The following NXPH1 variants were observed in gnomAD, a reference collection of about 807,000 sequenced individuals.
The protein encoded by NXPH1 is neurexophilin-1.
Under a neutral mutation model 23.7 loss-of-function variants are expected in NXPH1, and 5 were observed. The observed-to-expected ratio is 0.21, with a 90% CI of 0.11 to 0.44. NXPH1 has a LOEUF of 0.44. Among genes scored for constraint, NXPH1 ranks in the 20% least tolerant of loss-of-function variants. The probability of loss-of-function intolerance (pLI) is 0.99; values close to 1 mark genes in which losing one functional copy is unlikely to be tolerated. For missense variants in NXPH1, 324 were observed against 321.6 expected, an observed-to-expected ratio of 1.01 and a Z score of -0.06; for synonymous variants, 144 against 122.2, an observed-to-expected ratio of 1.18 and a Z score of -1.18.
chr7:8,590,208 A>T (rs1262326972), intron 2 of NXPH1, among the ~76,000 whole-genome samples: 2 of 152,106 alleles, frequency 1.3e-5, no homozygotes, highest in Non-Finnish European at 2.9e-5. Flanking sequence ...AGAGAGACAG[A>T]TACTGGAGGG....
At chr7:8,652,469 A>T (rs1820504718) in intron 2 of NXPH1, among the ~76,000 whole-genome samples, 1 of 152,130 alleles carries the variant, frequency 6.6e-6, no homozygotes, top group Non-Finnish European at 1.5e-5. Context: ...TACAACTTAT[A>T]TTTTGTATAT....
intron 2 of NXPH1, among the ~76,000 whole-genome samples, chr7:8,447,865 T>C (rs1816432651): frequency 6.6e-6 from 1 of 152,218 alleles, no homozygotes. Flanking sequence ...CAAAGCCACG[T>C]GCCTCCAGGT....
At chr7:8,655,598 T>G in intron 2 of NXPH1, among the ~76,000 whole-genome samples, 1 of 62,330 alleles carries the variant, frequency 1.6e-5, no homozygotes, top group Non-Finnish European at 3.5e-5. Flanking sequence ...GTGTGTATGT[T>G]TATGTGTGTG....
At chr7:8,494,594 T>C (rs1817305410) in intron 2 of NXPH1, among the ~76,000 whole-genome samples, 1 of 152,064 alleles carries the variant, frequency 6.6e-6, no homozygotes, top group Non-Finnish European at 1.5e-5. Context: ...TCATTATTAT[T>C]ACTATCATAT....
chr7:8,524,767 A>G (rs1161557606), intron 2 of NXPH1, among the ~76,000 whole-genome samples: 1 of 152,072 alleles, frequency 6.6e-6, no homozygotes, highest in African/African-American at 2.4e-5. Context: ...CTTTTGCTTC[A>G]TCCTCATTTT....
intron 2 of NXPH1, among the ~76,000 whole-genome samples, chr7:8,496,740 TG>T (rs1301171382): frequency 2.0e-5 from 3 of 152,056 alleles, no homozygotes; most frequent in African/African-American, 7.2e-5. Flanking sequence ...TGAGATAACT[TG>T]TCCTAAAACA....
intron 2 of NXPH1, among the ~76,000 whole-genome samples, chr7:8,509,446 A>G (rs990835224): frequency 6.6e-6 from 1 of 152,118 alleles, no homozygotes; most frequent in African/African-American, 2.4e-5. Context: ...TGGAACATCT[A>G]TTCTCTTTAT....
chr7:8,465,766 C>T (rs1329217889), intron 2 of NXPH1, among the ~76,000 whole-genome samples: 1 of 152,174 alleles, frequency 6.6e-6, no homozygotes, highest in African/African-American at 2.4e-5. Flanking sequence ...ATTCCCTAGA[C>T]CTCACTTAGC....
chr7:8,705,341 A>T (rs1470415673), intron 2 of NXPH1, among the ~76,000 whole-genome samples: 7 of 152,284 alleles, frequency 4.6e-5, no homozygotes, highest in African/African-American at 1.7e-4. Flanking sequence ...CAGGTTCCAT[A>T]CATTTATCCC....
intron 2 of NXPH1, among the ~76,000 whole-genome samples, chr7:8,557,053 T>G (rs146465829): frequency 6.6e-6 from 1 of 151,838 alleles, no homozygotes; most frequent in Non-Finnish European, 1.5e-5. Context: ...CTCTCCTGTT[T>G]CCTAGTCGAT....
At chr7:8,567,636 A>G (rs1186862282) in intron 2 of NXPH1, among the ~76,000 whole-genome samples, 2 of 151,948 alleles carry the variant, frequency 1.3e-5, no homozygotes, top group Non-Finnish European at 2.9e-5. Flanking sequence ...CTTATGCCAC[A>G]TCTTTTCAAA....
At chr7:8,527,352 G>A (rs1489665172) in intron 2 of NXPH1, among the ~76,000 whole-genome samples, 1 of 152,174 alleles carries the variant, frequency 6.6e-6, no homozygotes, top group Non-Finnish European at 1.5e-5. Context: ...GGCAGAAGGG[G>A]GCACTCAGTG....
At chr7:8,639,321 C>T (rs1820269737) in intron 2 of NXPH1, among the ~76,000 whole-genome samples, 1 of 152,090 alleles carries the variant, frequency 6.6e-6, no homozygotes, top group South Asian at 2.1e-4. Flanking sequence ...AAGGAATTCT[C>T]CAGAGAATGT....
intron 2 of NXPH1, among the ~76,000 whole-genome samples, chr7:8,735,498 T>C (rs1300801260): frequency 2.0e-5 from 3 of 152,202 alleles, no homozygotes; most frequent in Admixed American, 6.5e-5. Flanking sequence ...GACTTGATCA[T>C]GGTGGATAAG....
At chr7:8,502,653 C>G (rs183633203) in intron 2 of NXPH1, among the ~76,000 whole-genome samples, 6 of 151,884 alleles carry the variant, frequency 4.0e-5, no homozygotes, top group African/African-American at 1.4e-4. Context: ...GGAGCACTCA[C>G]TATGCCCAGG....
intron 2 of NXPH1, among the ~76,000 whole-genome samples, chr7:8,447,070 C>T (rs779307298): frequency 3.3e-5 from 5 of 152,018 alleles, no homozygotes. Flanking sequence ...TATATGAGAC[C>T]TGTTATATTT....
chr7:8,651,252 G>A (rs1314750252), intron 2 of NXPH1, among the ~76,000 whole-genome samples: 1 of 124,676 alleles, frequency 8.0e-6, no homozygotes, highest in African/African-American at 2.9e-5. Context: ...ATAGTTTACT[G>A]AGAATGATGA....
At chr7:8,443,530 A>G (rs1816342771) in intron 2 of NXPH1, among the ~76,000 whole-genome samples, 1 of 152,248 alleles carries the variant, frequency 6.6e-6, no homozygotes, top group Non-Finnish European at 1.5e-5. Flanking sequence ...GGAGCCACCC[A>G]GGCGCCTTCC....
chr7:8,457,712 C>T (rs778349449), intron 2 of NXPH1, among the ~76,000 whole-genome samples: 3 of 152,018 alleles, frequency 2.0e-5, no homozygotes, highest in Non-Finnish European at 2.9e-5. Context: ...TCCTGGCTCA[C>T]CTGAAATATT....
Sources: gnomAD v4.1 joint callset for allele counts (sites outside exome capture counted in the v4.1 genomes callset) on GRCh38, gnomAD v4.1.1 for gene constraint, MANE v1.5 for transcripts, NCBI Gene and HGNC (gene_info 2026-07-23, HGNC 2026-07-21) for gene names.